FRMPD4: variants seen among roughly 807,000 people sequenced by gnomAD.
FRMPD4 encodes the protein FERM and PDZ domain containing 4.
In FRMPD4, 22 loss-of-function variants were observed where a neutral mutation model predicts 94.1. That is an observed-to-expected ratio of 0.23 (90% confidence interval 0.17 to 0.33). FRMPD4 has a LOEUF of 0.33. Among genes scored for constraint, FRMPD4 ranks in the 10% least tolerant of loss-of-function variants. The pLI, the probability that FRMPD4 is intolerant of heterozygous loss-of-function variation, is 1.00. For missense variants in FRMPD4, 1,111 were observed against 1,339.9 expected, an observed-to-expected ratio of 0.83 and a Z score of 2.67; for synonymous variants, 631 against 548.6, an observed-to-expected ratio of 1.15 and a Z score of -2.10.
At chrX:12,153,330 GTTTTTTAGAGAACCACA>G (rs1339144057) in intron 1 of FRMPD4, among the ~76,000 whole-genome samples, 1 of 112,191 alleles carries the variant, frequency 8.9e-6, no homozygotes, top group Non-Finnish European at 1.9e-5. Context: ...ACAACTTGAT[GTTTTTTAGAGAACCACA>G]TTCCAGCGAT....
intron 3 of FRMPD4, among the ~76,000 whole-genome samples, chrX:12,018,826 C>A (rs1163597598): frequency 6.2e-5 from 7 of 112,074 alleles, no homozygotes; most frequent in Non-Finnish European, 1.3e-4. Context: ...AATAATGTCA[C>A]AATCACAGGT....
intron 4 of FRMPD4, among the ~76,000 whole-genome samples, chrX:12,644,023 A>G (rs908283472): frequency 3.6e-5 from 4 of 112,233 alleles, no homozygotes; most frequent in Non-Finnish European, 7.5e-5. Context: ...GACTTTATAT[A>G]TAATTTGTAA....
intron 4 of FRMPD4, among the ~76,000 whole-genome samples, chrX:12,620,565 T>A (rs2059278756): frequency 1.8e-5 from 2 of 112,010 alleles, no homozygotes; most frequent in Non-Finnish European, 3.8e-5. Flanking sequence ...TCAGCCCAAT[T>A]AATGAAGATC....
intron 1 of FRMPD4, among the ~76,000 whole-genome samples, chrX:12,280,625 G>A (rs1237593868): frequency 8.9e-6 from 1 of 111,831 alleles, no homozygotes; most frequent in Non-Finnish European, 1.9e-5. Context: ...AGTCCCCACT[G>A]TCTTAGGGGA....
chrX:11,846,385 A>G lies in FRMPD4; in HGVS notation c.-160-18701A>G, dbSNP rs141671187. ...ACTGCTCAATGAAGTAAAAGAGGAT[A>G]CAAAGAAATGGAAGAACATTCCATG... On this transcript the variant is annotated intron_variant, in intron 1 of 18. Coordinates refer to the FRMPD4 transcript ENST00000640291. 2.4e-3 allele frequency among the ~76,000 whole-genome samples: 265 copies of G among 111,225 alleles called. 3 individuals carry two copies. The East Asian group carries it at 0.045, about 19-fold the overall frequency.
At chrX:12,180,519 G>A (rs975436244) in intron 1 of FRMPD4, among the ~76,000 whole-genome samples, 60 of 111,888 alleles carry the variant, frequency 5.4e-4, no homozygotes, top group African/African-American at 1.9e-3. Context: ...ATATGATTAC[G>A]TTTAAGAGAC....
rs1334959354 is a variant in FRMPD4 at position 12,602,246 on chromosome X, G to GCTCTGAGGAA, written c.159-7469_159-7460dup. On this transcript the variant is annotated intron_variant, in intron 2 of 16. Transcript: ENST00000675598. ...TTTTATTCTTCCTACTGAAATTCTT[G>GCTCTGAGGAA]CTCTGAGGAACTCTGGTTTACATAG... is the stretch of plus-strand genomic sequence containing the variant. 2.2e-4 allele frequency among the ~76,000 whole-genome samples: 24 copies of GCTCTGAGGAA among 111,304 alleles called. No homozygotes were observed. In the East Asian group the frequency reaches 5.1e-3, roughly 23 times the overall value.
At chrX:11,906,439 A>G (rs377234823) in intron 3 of FRMPD4, among the ~76,000 whole-genome samples, 91 of 111,186 alleles carry the variant, frequency 8.2e-4, no homozygotes, top group African/African-American at 2.8e-3. Flanking sequence ...GAGCCACCGC[A>G]CCCGGCCCAA....
intron 1 of FRMPD4, among the ~76,000 whole-genome samples, chrX:12,147,620 C>A (rs767602780): frequency 1.8e-5 from 2 of 111,584 alleles, no homozygotes; most frequent in Non-Finnish European, 3.8e-5. Context: ...TCTTCAAGGG[C>A]AAATCCCCTG....
Position 12,011,961 on chromosome X carries a change from C to T in FRMPD4, c.95+133943C>T, listed in dbSNP as rs907180126. On this transcript the variant is annotated intron_variant, in intron 3 of 18. Coordinates refer to the FRMPD4 transcript ENST00000640291. ...GTGTCACCAGGCTGGAGTGCAGTGG[C>T]GCGATCTCAACTCACTGCAACCTCC... Among the ~76,000 whole-genome samples the T allele has an allele frequency of 6.6e-5, 7 of 106,661 alleles. 1 individual carries two copies. Among genetic ancestry groups the T allele is most frequent in the African/African-American group, 2.1e-4 (6 of 28,906 alleles). The allele number at this position is 106,661 out of a possible 115,157, so 92.6% of individuals were successfully genotyped here. A position where few individuals can be genotyped will look rare whatever the true frequency, so the allele number is the denominator to read the frequency against.
rs1157442814 is a variant in FRMPD4 at position 11,842,229 on chromosome X, G to A, written c.-161+19514G>A. Among the ~76,000 whole-genome samples, 602 of 102,890 alleles carry A rather than the reference G, an allele frequency of 5.9e-3. 4 individuals carry two copies. The highest frequency in any genetic ancestry group is 0.022 in the African/African-American group (564 of 26,133). 89.3% of individuals were successfully genotyped at this position (102,890 alleles called of 115,157 possible). A position where few individuals can be genotyped will look rare whatever the true frequency, so the allele number is the denominator to read the frequency against. The stretch of plus-strand genomic sequence containing the variant: ...TGGCTTAGGATTGACTTGGCGATGC[G>A]GGCTCTATTTTGGTTCCATATGAAC... On this transcript the variant is annotated intron_variant, in intron 1 of 18. Coordinates refer to the FRMPD4 transcript ENST00000640291.
intron 1 of FRMPD4, among the ~76,000 whole-genome samples, chrX:12,298,584 A>T (rs2054809346): frequency 8.9e-6 from 1 of 112,149 alleles, no homozygotes; most frequent in African/African-American, 3.2e-5. Flanking sequence ...TGGAGGTCTT[A>T]TATGTAGATA....
At chrX:12,133,112 G>A (rs761160525) in intron 3 of FRMPD4, among the ~76,000 whole-genome samples, 1 of 111,708 alleles carries the variant, frequency 9.0e-6, no homozygotes, top group African/African-American at 3.2e-5. Context: ...AATCACAGGA[G>A]GGCCAGCTTT....
intron 1 of FRMPD4, among the ~76,000 whole-genome samples, chrX:12,327,995 T>C (rs10482244): frequency 0.041 from 4,589 of 111,224 alleles, 227 homozygotes; most frequent in African/African-American, 0.14. Flanking sequence ...GGGGTAGCCA[T>C]TTGCCTTGCT....
At chrX:12,109,905 C>T (rs763468635) in intron 3 of FRMPD4, among the ~76,000 whole-genome samples, 1 of 111,576 alleles carries the variant, frequency 9.0e-6, no homozygotes, top group East Asian at 2.8e-4. Flanking sequence ...CAATAACAGG[C>T]TCTGAAATTG....
intron 4 of FRMPD4, among the ~76,000 whole-genome samples, chrX:12,659,896 A>G (rs1164625508): frequency 8.9e-6 from 1 of 112,482 alleles, no homozygotes; most frequent in African/African-American, 3.2e-5. Context: ...CCAAAACCAG[A>G]TACATATGCA....
chrX:12,711,242 A>G, intron 14 of FRMPD4, among the ~76,000 whole-genome samples: 1 of 111,727 alleles, frequency 9.0e-6, no homozygotes, highest in South Asian at 3.8e-4. Flanking sequence ...ATGGTGTCCT[A>G]GGCCCGGGTG....
chrX:11,979,876 G>T (rs955625613), intron 3 of FRMPD4, among the ~76,000 whole-genome samples: 1 of 111,657 alleles, frequency 9.0e-6, no homozygotes, highest in Non-Finnish European at 1.9e-5. Flanking sequence ...TACTATAAAT[G>T]AATTCATCCA....
intron 3 of FRMPD4, among the ~76,000 whole-genome samples, chrX:12,042,573 C>T (rs768042551): frequency 1.1e-4 from 12 of 111,850 alleles, no homozygotes; most frequent in Non-Finnish European, 1.9e-4. Flanking sequence ...CTCTCACACT[C>T]TGTCAGTGAA....
Sources: gnomAD v4.1 joint callset for allele counts (sites outside exome capture counted in the v4.1 genomes callset) on GRCh38, gnomAD v4.1.1 for gene constraint, MANE v1.5 for transcripts, NCBI Gene and HGNC (gene_info 2026-07-23, HGNC 2026-07-21) for gene names.